ZNF469: variants seen among roughly 807,000 people sequenced by gnomAD.
ZNF469 encodes zinc finger protein 469.
A neutral mutation model predicts 1.0 loss-of-function variants in ZNF469; 1 was observed. The observed-to-expected ratio is 1.00, with a 90% CI of 0.35 to 4.73. ZNF469 has a LOEUF of 4.73. ZNF469 is among the 30% of genes most tolerant of loss of function. The pLI, the probability that ZNF469 is intolerant of heterozygous loss-of-function variation, is 0.16. For missense variants in ZNF469, 6,100 were observed against 5,356.3 expected, an observed-to-expected ratio of 1.14 and a Z score of -4.33; for synonymous variants, 2,703 against 2,363.4, an observed-to-expected ratio of 1.14 and a Z score of -4.17.
At chr16:88,377,036 T>G in the ZNF469 span, among the ~76,000 whole-genome samples, 6 of 152,256 alleles carry the variant, frequency 3.9e-5, no homozygotes, top group African/African-American at 1.4e-4. Context: ...GGCTCTCAGC[T>G]GGGTCCCTTC....
At chr16:88,405,168 A>G (rs986264883) in intron 1 of ZNF469, among the ~76,000 whole-genome samples, 2 of 152,122 alleles carry the variant, frequency 1.3e-5, no homozygotes, top group African/African-American at 2.4e-5. Flanking sequence ...CACAGAGGGG[A>G]CATTTGCAGC....
chr16:88,324,084 G>A, the ZNF469 span, among the ~76,000 whole-genome samples: 5 of 152,194 alleles, frequency 3.3e-5, no homozygotes, highest in South Asian at 2.1e-4. Flanking sequence ...GGTGAGATCC[G>A]CCGCAAAAAT....
intron 1 of ZNF469, among the ~76,000 whole-genome samples, chr16:88,391,403 A>C (rs1344462510): frequency 6.6e-6 from 1 of 152,270 alleles, no homozygotes; most frequent in African/African-American, 2.4e-5. Flanking sequence ...CAGCATCCAC[A>C]GGCTCAAGTC....
At chr16:88,248,497 A>C in the ZNF469 span, among the ~76,000 whole-genome samples, 2 of 152,054 alleles carry the variant, frequency 1.3e-5, no homozygotes, top group Non-Finnish European at 2.9e-5. Flanking sequence ...GGATCACTTG[A>C]GACCAGCCTG....
At chr16:88,285,865 G>A in the ZNF469 span, among the ~76,000 whole-genome samples, 1 of 152,240 alleles carries the variant, frequency 6.6e-6, no homozygotes, top group Admixed American at 6.5e-5. Flanking sequence ...GGGCCCTCGT[G>A]CCACTTGGCC....
the ZNF469 span, among the ~76,000 whole-genome samples, chr16:88,191,310 G>T: frequency 1.3e-5 from 2 of 152,174 alleles, no homozygotes; most frequent in Non-Finnish European, 2.9e-5. Context: ...GGCTGGCCCA[G>T]GCCACGGAGC....
the ZNF469 span, among the ~76,000 whole-genome samples, chr16:88,310,728 C>T: frequency 7.9e-5 from 12 of 152,118 alleles, no homozygotes; most frequent in East Asian, 1.2e-3. Context: ...TACAGGTGTG[C>T]GCCACCATGC....
At chr16:88,126,855 T>C in the ZNF469 span, among the ~76,000 whole-genome samples, 2 of 151,608 alleles carry the variant, frequency 1.3e-5, no homozygotes, top group Non-Finnish European at 2.9e-5. Context: ...GGTTTTGCCA[T>C]ATTGGCCAGG....
the ZNF469 span, among the ~76,000 whole-genome samples, chr16:88,342,092 C>T: frequency 2.7e-5 from 4 of 150,826 alleles, no homozygotes; most frequent in African/African-American, 4.8e-5. Flanking sequence ...TGGCTGGGGA[C>T]GAAGAAGGCC....
At chr16:88,122,426 C>T in the ZNF469 span, among the ~76,000 whole-genome samples, 4 of 149,440 alleles carry the variant, frequency 2.7e-5, no homozygotes, top group Admixed American at 6.8e-5. Flanking sequence ...GGCGGCCACT[C>T]GGATCACACT....
chr16:88,412,221 G>A (rs529164773), intron 1 of ZNF469, among the ~76,000 whole-genome samples: 116 of 152,288 alleles, frequency 7.6e-4, no homozygotes, highest in Non-Finnish European at 1.5e-3. Context: ...TCCCAGGCCC[G>A]AAGTAACACG....
At chr16:88,159,100 C>T in the ZNF469 span, among the ~76,000 whole-genome samples, 3 of 143,606 alleles carry the variant, frequency 2.1e-5, no homozygotes, top group Middle Eastern at 3.5e-3. Context: ...GTCCTGGTCA[C>T]GGATGCTCAC....
rs148034204 is a variant in ZNF469 at position 88,401,615 on chromosome 16, G to GTGGA, written c.-192+18387_-192+18390dup. ...GGTAGATGGATGGATAGTTGGGTGA[G>GTGGA]TGGATGGATGGATGGATGGATGGAT... On this transcript the variant is annotated intron_variant, in intron 1 of 2. Coordinates refer to ENST00000565624, the MANE Select transcript of ZNF469 (RefSeq NM_001367624.2). 4.9e-4 allele frequency among the ~76,000 whole-genome samples: 71 copies of GTGGA among 145,154 alleles called. 1 individual carries two copies. The highest frequency in any genetic ancestry group is 2.0e-3 in the Admixed American group (29 of 14,792).
the ZNF469 span, among the ~76,000 whole-genome samples, chr16:88,326,059 C>A: frequency 3.3e-5 from 5 of 152,374 alleles, no homozygotes; most frequent in South Asian, 8.3e-4. Context: ...GGGCTGCCAA[C>A]CCAGAGGCCC....
the ZNF469 span, among the ~76,000 whole-genome samples, chr16:88,144,558 G>A: frequency 6.6e-6 from 1 of 152,198 alleles, no homozygotes; most frequent in Non-Finnish European, 1.5e-5. Flanking sequence ...AAGGACAGAT[G>A]AGGTCACAGA....
chr16:88,141,999 A>T, the ZNF469 span, among the ~76,000 whole-genome samples: 1 of 152,240 alleles, frequency 6.6e-6, no homozygotes, highest in African/African-American at 2.4e-5. Flanking sequence ...CTGCAGCCGC[A>T]GGAGGCTACG....
chr16:88,331,487 A>T, the ZNF469 span, among the ~76,000 whole-genome samples: 35 of 150,756 alleles, frequency 2.3e-4, no homozygotes, highest in African/African-American at 8.6e-4. Context: ...CACCATCATC[A>T]TCACTATTGT....
At chr16:88,427,026 G>A (rs1343975523) in intron 2 of ZNF469, among the ~76,000 whole-genome samples, 1 of 152,092 alleles carries the variant, frequency 6.6e-6, no homozygotes, top group Non-Finnish European at 1.5e-5. Flanking sequence ...GGACTGCTCT[G>A]AGCCTGTAAG....
the ZNF469 span, among the ~76,000 whole-genome samples, chr16:88,180,266 G>A: frequency 6.6e-6 from 1 of 151,796 alleles, no homozygotes; most frequent in Non-Finnish European, 1.5e-5. Flanking sequence ...TTTTTAGGTT[G>A]GGTAGATATA....
Sources: allele counts gnomAD v4.1 joint callset (sites outside exome capture counted in the v4.1 genomes callset), GRCh38; gene constraint gnomAD v4.1.1; transcripts MANE v1.5; gene names NCBI Gene and HGNC (gene_info 2026-07-23, HGNC 2026-07-21).